Variants in TET3 observed in about 807,000 individuals in gnomAD.
The protein encoded by TET3 is tet methylcytosine dioxygenase 3.
Under a neutral mutation model 141.4 loss-of-function variants are expected in TET3, and 19 were observed. That is an observed-to-expected ratio of 0.13 (90% CI 0.09 to 0.20). The LOEUF (loss-of-function observed/expected upper bound fraction) is 0.20. TET3 is among the 10% of genes least tolerant of loss of function. The pLI is 1.00. For missense variants in TET3, 1,874 were observed against 2,356.9 expected (o/e 0.80, Z 4.24); for synonymous variants, 1,043 against 980.9 (o/e 1.06, Z -1.18).
intron 3 of TET3, among the ~76,000 whole-genome samples, chr2:74,016,782 T>G (rs1573698321): frequency 1.4e-5 from 2 of 139,392 alleles, no homozygotes; most frequent in Admixed American, 7.1e-5. Context: ...GTATAGGTTC[T>G]CCTGTCTTTT....
intron 8 of TET3, among the ~76,000 whole-genome samples, chr2:74,090,590 A>G (rs1032065285): frequency 3.3e-5 from 5 of 152,152 alleles, no homozygotes; most frequent in African/African-American, 1.2e-4. Context: ...TCCATACAGT[A>G]TGACCGCTAG....
At chr2:74,109,361 C>T (rs372209111), downstream of TET3, among the ~76,000 whole-genome samples, 120 of 152,270 alleles carry the variant, frequency 7.9e-4, 1 homozygote, top group Middle Eastern at 6.8e-3. Context: ...TGTGTAAATA[C>T]GACCCATATG....
the TET3 span, chr2:74,121,238 G>A: frequency 6.6e-6 from 1 of 152,208 alleles, no homozygotes; most frequent in Non-Finnish European, 1.5e-5. Context: ...ATCAATTCAA[G>A]AAATTTGACA....
intron 3 of TET3, among the ~76,000 whole-genome samples, chr2:74,022,423 G>GT (rs1272047384): frequency 2.0e-5 from 3 of 147,200 alleles, no homozygotes; most frequent in Non-Finnish European, 4.5e-5. Flanking sequence ...TTTTTTGTTT[G>GT]TTTTTTGTTT....
chr2:74,082,841 G>A (rs1689908267), intron 6 of TET3, among the ~76,000 whole-genome samples: 1 of 152,156 alleles, frequency 6.6e-6, no homozygotes, highest in Non-Finnish European at 1.5e-5. Context: ...TGCTTAGAAG[G>A]ACGGATTATT....
intron 4 of TET3, among the ~76,000 whole-genome samples, chr2:74,055,102 G>A (rs1225628387): frequency 1.3e-5 from 2 of 152,094 alleles, no homozygotes; most frequent in Non-Finnish European, 2.9e-5. Flanking sequence ...GTCTTGCCAT[G>A]TTGCCCAGGC....
chr2:74,096,783 A>G (rs865902988), intron 10 of TET3, among the ~76,000 whole-genome samples: 2 of 143,924 alleles, frequency 1.4e-5, no homozygotes, highest in South Asian at 4.5e-4. Context: ...AAAAAAAAGA[A>G]AGAAAGAAAG....
chr2:74,046,596 G>A lies in TET3; in HGVS notation c.679G>A (p.Glu227Lys), dbSNP rs2103675806. 6.2e-7 allele frequency: 1 copy of A among 1,614,064 alleles called. No individual in the cohort carries two copies. The highest frequency in any genetic ancestry group is 1.1e-5 in the South Asian group (1 of 91,088). Reference sequence around the variant, plus strand: ...CCGGCTCTATGAAACCTTCAACCGTGAGATGAGTCGTGAGGCTGGGAACAA... The same window carrying A: ...CCGGCTCTATGAAACCTTCAACCGTAAGATGAGTCGTGAGGCTGGGAACAA... ...STRLYETFNR[E>K]MSREAGNNSR... Residue 227 changes from glutamate to lysine, a missense_variant, in exon 4 of 12, where the codon GAG becomes AAG. Around this residue, in one of 10 missense-constraint regions of TET3, gnomAD observed 366 missense variants for 487.0 expected, o/e 0.75. Coordinates refer to ENST00000409262, the MANE Select transcript of TET3 (RefSeq NM_001287491.2). The surrounding 1 kb of genome is among the most constrained non-coding windows in gnomAD (Gnocchi z 4.3).
intron 3 of TET3, among the ~76,000 whole-genome samples, chr2:74,035,009 G>GT (rs1323444754): frequency 6.7e-6 from 1 of 148,284 alleles, no homozygotes; most frequent in African/African-American, 2.5e-5. Flanking sequence ...GGTTAACATG[G>GT]TGAAACCCTG....
At chr2:74,003,719 A>C (rs574010961) in intron 3 of TET3, among the ~76,000 whole-genome samples, 6 of 151,784 alleles carry the variant, frequency 4.0e-5, no homozygotes, top group Admixed American at 2.0e-4. Flanking sequence ...CTGATGCAAC[A>C]TCATGACTGG....
At chr2:74,023,067 C>G (rs77524008) in intron 3 of TET3, among the ~76,000 whole-genome samples, 4,777 of 152,204 alleles carry the variant, frequency 0.031, 109 homozygotes, top group Non-Finnish European at 0.051. Context: ...TGAGCCACTG[C>G]GCACGGCCTT....
chr2:74,022,155 G>A (rs1349396585), intron 3 of TET3, among the ~76,000 whole-genome samples: 1 of 110,060 alleles, frequency 9.1e-6, no homozygotes, highest in Non-Finnish European at 1.8e-5. Flanking sequence ...CTCTGGGATT[G>A]TCAAAATAAT....
chr2:74,041,819 C>T (rs1000889188), intron 3 of TET3, among the ~76,000 whole-genome samples: 17 of 152,068 alleles, frequency 1.1e-4, no homozygotes, highest in African/African-American at 2.4e-4. Context: ...TTATGGGTAC[C>T]GCTGCTGCTA....
intron 11 of TET3, 134 bp downstream of exon 11, chr2:74,099,746 C>T: frequency 3.2e-6 from 3 of 929,600 alleles, no homozygotes; most frequent in Non-Finnish European, 3.2e-6. Flanking sequence ...AGGGTATCTG[C>T]AGCAGCCACA....
chr2:74,032,487 G>GCGCGCGCGCGCGCGA (rs1558730116), intron 3 of TET3, among the ~76,000 whole-genome samples: 6 of 150,464 alleles, frequency 4.0e-5, no homozygotes, highest in South Asian at 2.1e-4. Flanking sequence ...GTGTGTGTGT[G>GCGCGCGCGCGCGCGA]TGTGTGTGTG....
rs756024886 is a variant in TET3 at position 74,101,492 on chromosome 2, A to G, written c.4704A>G (p.Pro1568=). 79 of 1,613,092 alleles carry G rather than the reference A, an allele frequency of 4.9e-5. No individual in the cohort carries two copies. The highest frequency in any genetic ancestry group is 6.4e-5 in the Non-Finnish European group (75 of 1,179,660). The stretch of plus-strand genomic sequence containing the variant: ...TGAAAGGAGAGGAGGGCAGGATTCC[A>G]GCCGCAGGGGCCAGCCAGCTGGACA... ...NPMKGEEGRI[P]AAGASQLDRA... is the part of the protein sequence containing the mutation. Residue 1568 remains proline, a synonymous_variant, in exon 12 of 12, where the codon CCA becomes CCG. Transcript: ENST00000409262. This position sits in a 1 kb window ranked among gnomAD's most constrained non-coding sequence, Gnocchi z 8.5.
At chr2:73,997,073 T>C (rs1376504041) in intron 2 of TET3, among the ~76,000 whole-genome samples, 1 of 152,236 alleles carries the variant, frequency 6.6e-6, no homozygotes. Context: ...AAGGCATCTC[T>C]GACTGCTGCT....
chr2:74,093,844 C>G lies in TET3; in HGVS notation c.3267+178C>G, dbSNP rs2104132846. Among the ~76,000 whole-genome samples, 1 of 152,310 alleles carries G rather than the reference C, an allele frequency of 6.6e-6. No individual in the cohort carries two copies. Among genetic ancestry groups the G allele is most frequent in the African/African-American group, 2.4e-5 (1 of 41,568 alleles). ...CGCCCACCTCCCAGAGAAAACCTCA[C>G]CAGAAAACCCTTGAACAGACAAGGC... is the stretch of plus-strand genomic sequence containing the variant. On this transcript the variant is annotated intron_variant, in intron 10 of 11. Coordinates refer to ENST00000409262, the MANE Select transcript of TET3 (RefSeq NM_001287491.2). This position sits in a 1 kb window ranked among gnomAD's most constrained non-coding sequence, Gnocchi z 4.2.
the TET3 span, among the ~76,000 whole-genome samples, chr2:74,130,038 T>G: frequency 0.45 from 66,704 of 149,156 alleles, 15,571 homozygotes; most frequent in Middle Eastern, 0.56. Context: ...GAGGTTGCAG[T>G]GAGCGGAGAT....
Sources: allele counts gnomAD v4.1 joint callset (sites outside exome capture counted in the v4.1 genomes callset), GRCh38; gene constraint gnomAD v4.1.1; regional missense constraint gnomAD v4.1.1; non-coding constraint Gnocchi (gnomAD v3.1); transcripts MANE v1.5; gene names NCBI Gene and HGNC (gene_info 2026-07-23, HGNC 2026-07-21).